PCID2: variants seen among roughly 807,000 people sequenced by gnomAD.
PCID2 encodes PCI domain-containing protein 2.
Under a neutral mutation model 61.3 loss-of-function variants are expected in PCID2, and 41 were observed. That is an observed-to-expected ratio of 0.67 (90% CI 0.52 to 0.87). The LOEUF is 0.87. PCID2 is among the 40% of genes least tolerant of loss of function. The pLI, the probability that PCID2 is intolerant of heterozygous loss-of-function variation, is 0.00. For missense variants in PCID2, 392 were observed against 493.4 expected, an observed-to-expected ratio of 0.79 and a Z score of 1.95; for synonymous variants, 187 against 177.8, an observed-to-expected ratio of 1.05 and a Z score of -0.41.
chr13:113,184,197 T>C, intron 9 of PCID2, 149 bp downstream of exon 9: 1 of 868,352 alleles, frequency 1.2e-6, no homozygotes, highest in Non-Finnish European at 1.7e-6. Context: ...TTCCCTTTAA[T>C]CAGCTTTAGT....
intron 1 of PCID2, among the ~76,000 whole-genome samples, chr13:113,202,207 A>T (rs758078914): frequency 3.9e-5 from 6 of 152,230 alleles, no homozygotes; most frequent in Non-Finnish European, 8.8e-5. Flanking sequence ...TACCCAGAAG[A>T]AAGGGAGGCA....
rs1388605751 is a variant in PCID2 at position 113,184,460 on chromosome 13, G to A, written c.571C>T (p.Leu191=). The A allele has an allele frequency of 6.3e-7, 1 of 1,587,850 alleles. No homozygotes were observed. Among genetic ancestry groups the A allele is most frequent in the African/African-American group, 1.3e-5 (1 of 74,570 alleles). ...TTTGAGCTGTCAATTGCTCTAATTA[G>A]GGGTTTACATAAATGGAGTTTGTTG... ...KINKLHLCKP[L]IRAIDSSNLK... Residue 191 remains leucine (L), a synonymous_variant, in exon 9 of 14, where the codon CTA becomes TTA. Coordinates refer to ENST00000337344, the MANE Select transcript of PCID2 (RefSeq NM_001127202.4).
rs1412476740 is a variant in PCID2, at chr13:113,195,068, T to C, written c.363+3A>G. On this transcript the variant is annotated splice_donor_region_variant and intron_variant, in intron 6 of 13. Transcript: ENST00000337344. ...AATAATAATGACAGCAAATTAAACT[T>C]ACATTATTGGCAAACACTCGAAGGT... 2 of 1,588,542 alleles carry C rather than the reference T, an allele frequency of 1.3e-6. No homozygotes were observed. The highest frequency in any genetic ancestry group is 1.7e-6 in the Non-Finnish European group (2 of 1,156,502).
chr13:113,193,969 A>G (rs2038810737), intron 6 of PCID2, among the ~76,000 whole-genome samples: 1 of 152,190 alleles, frequency 6.6e-6, no homozygotes, highest in African/African-American at 2.4e-5. Flanking sequence ...TAGATCCCGG[A>G]CATTTGAGGC....
rs1305531877 is a variant in PCID2, at chr13:113,200,410, A to G, written c.126+17T>C. 2 of 1,507,040 alleles carry G rather than the reference A, an allele frequency of 1.3e-6. No homozygotes were observed. Among genetic ancestry groups the G allele is most frequent in the African/African-American group, 1.4e-5 (1 of 73,034 alleles). The allele number at this position is 1,507,040 out of a possible 1,614,324, so 93.4% of individuals were successfully genotyped here. On this transcript the variant is annotated intron_variant, in intron 2 of 13. Coordinates refer to ENST00000337344, the MANE Select transcript of PCID2 (RefSeq NM_001127202.4). ...TAATTGTCTGCAGACACCTGTGTGCACAGCTCTTTCACCTACTTGAAGTCG... is the reference window on the plus strand; with the variant it reads ...TAATTGTCTGCAGACACCTGTGTGCGCAGCTCTTTCACCTACTTGAAGTCG...
rs746409950 is a variant in PCID2 at position 113,184,528 on chromosome 13, CA to C, written c.544-42del. ...ATCCATTTAAAATATTTAAAAACAACAAAAACAGGTGGCAAAACAAATTACT... is the reference window on the plus strand; with the variant it reads ...ATCCATTTAAAATATTTAAAAACAACAAAACAGGTGGCAAAACAAATTACT... On this transcript the variant is annotated intron_variant, in intron 8 of 13. Transcript: ENST00000337344. 4 of 1,277,866 alleles carry C rather than the reference CA, an allele frequency of 3.1e-6. No individual in the cohort carries two copies. In the Admixed American group the frequency reaches 5.7e-5, roughly 18 times the overall value. 79.2% of individuals were successfully genotyped at this position (1,277,866 alleles called of 1,614,324 possible).
chr13:113,201,299 A>G (rs1017157607), intron 1 of PCID2, among the ~76,000 whole-genome samples: 2 of 152,196 alleles, frequency 1.3e-5, no homozygotes, highest in Non-Finnish European at 2.9e-5. Context: ...AGTTAACTGC[A>G]GGAAAACTGT....
Position 113,184,593 on chromosome 13 carries a change from A to G in PCID2, c.544-106T>C, listed in dbSNP as rs777776344. 4.5e-6 allele frequency: 3 copies of G among 669,868 alleles called. No homozygotes were observed. In the African/African-American group the frequency reaches 5.4e-5, roughly 12 times the overall value. The allele number at this position is 669,868 out of a possible 1,614,324, so 41.5% of individuals were successfully genotyped here. A position where few individuals can be genotyped will look rare whatever the true frequency, so the allele number is the denominator to read the frequency against. ...TAAAATGCAAATTACAAAACCTATT[A>G]TATCATAACAATTATTTATATAATA... is the stretch of plus-strand genomic sequence containing the variant. On this transcript the variant is annotated intron_variant, in intron 8 of 13. Transcript: ENST00000337344.
chr13:113,170,471 A>ACACCCGTAC, the PCID2 span: 3 of 1,611,658 alleles, frequency 1.9e-6, no homozygotes, highest in Non-Finnish European at 2.5e-6. Context: ...ATACGGGAAA[A>ACACCCGTAC]TTTTGTACTG....
Position 113,179,129 on chromosome 13 carries a change from G to A in PCID2, c.987-40C>T, listed in dbSNP as rs1160940596. On this transcript the variant is annotated intron_variant, in intron 12 of 13. Transcript: ENST00000337344. The surrounding 1 kb of genome is among the most constrained non-coding windows in gnomAD (Gnocchi z 4.3). ...GAGAAGGGCACTGTGGTTACCGACA[G>A]GATGCAATACTCCACAGCCAAGAAA... The A allele has an allele frequency of 6.3e-7, 1 of 1,595,154 alleles. No individual in the cohort carries two copies. Among genetic ancestry groups the A allele is most frequent in the South Asian group, 1.1e-5 (1 of 88,352 alleles).
At chr13:113,182,218 C>A (rs2037703327) in intron 9 of PCID2, among the ~76,000 whole-genome samples, 1 of 152,144 alleles carries the variant, frequency 6.6e-6, no homozygotes, top group Admixed American at 6.5e-5. Flanking sequence ...ACACTGAGAC[C>A]ACACACTGCC....
At chr13:113,200,816 C>T in intron 1 of PCID2, 1 of 270,622 alleles carries the variant, frequency 3.7e-6, no homozygotes, top group South Asian at 3.5e-5. Context: ...TCCTGGCTGG[C>T]TCAGGCCTGT....
downstream of PCID2, among the ~76,000 whole-genome samples, chr13:113,173,297 C>A (rs2138617967): frequency 6.6e-6 from 1 of 152,318 alleles, no homozygotes; most frequent in Non-Finnish European, 1.5e-5. Context: ...AGTCCAGCCC[C>A]CAGTGAAACG....
At chr13:113,198,660 G>A (rs867410544) in intron 2 of PCID2, among the ~76,000 whole-genome samples, 9 of 152,194 alleles carry the variant, frequency 5.9e-5, no homozygotes, top group African/African-American at 1.9e-4. Context: ...AGCCAAGATC[G>A]TGCCACTGCA....
chr13:113,194,141 ACTGCT>A (rs2038827168), intron 6 of PCID2, among the ~76,000 whole-genome samples: 1 of 152,066 alleles, frequency 6.6e-6, no homozygotes, highest in Non-Finnish European at 1.5e-5. Context: ...GCTCCTCATT[ACTGCT>A]AGCCCAGGGT....
chr13:113,168,374 T>C, the PCID2 span, among the ~76,000 whole-genome samples: 8 of 152,210 alleles, frequency 5.3e-5, no homozygotes, highest in Non-Finnish European at 1.2e-4. Context: ...TTCTTGCGTT[T>C]GTCTGGAGGA....
At chr13:113,196,606 G>A (rs940149605) in intron 4 of PCID2, among the ~76,000 whole-genome samples, 3 of 152,184 alleles carry the variant, frequency 2.0e-5, no homozygotes, top group Non-Finnish European at 4.4e-5. Flanking sequence ...GAATTCTAAG[G>A]AGGCTGTGAG....
intron 1 of PCID2, among the ~76,000 whole-genome samples, chr13:113,207,442 T>C (rs539086532): frequency 2.8e-4 from 43 of 152,318 alleles, no homozygotes; most frequent in South Asian, 1.5e-3. Flanking sequence ...TAAACTGATA[T>C]TGGAAAATGT....
chr13:113,198,704 C>CATAAATAAATAAATAAATAA (rs530661772), intron 2 of PCID2, among the ~76,000 whole-genome samples: 10 of 151,808 alleles, frequency 6.6e-5, no homozygotes, highest in African/African-American at 2.4e-4. Flanking sequence ...GACTCTGTCT[C>CATAAATAAATAAATAAATAA]ATAAATAAAT....
Sources: gnomAD v4.1 joint callset for allele counts (sites outside exome capture counted in the v4.1 genomes callset) on GRCh38, gnomAD v4.1.1 for gene constraint, Gnocchi (gnomAD v3.1) non-coding constraint, MANE v1.5 for transcripts, NCBI Gene and HGNC (gene_info 2026-07-23, HGNC 2026-07-21) for gene names.